SND1: variants seen among roughly 807,000 people sequenced by gnomAD.
The protein encoded by SND1 is staphylococcal nuclease and tudor domain containing 1, also known as staphylococcal nuclease domain-containing protein 1.
In SND1, 38 loss-of-function variants were observed where a neutral mutation model predicts 121.7. That is an observed-to-expected ratio of 0.31 (90% confidence interval 0.24 to 0.41). The LOEUF is 0.41. Ranked by LOEUF, SND1 falls within the 10% of genes least tolerant of loss-of-function variation. The probability of loss-of-function intolerance (pLI) is 1.00; values close to 1 mark genes in which losing one functional copy is unlikely to be tolerated. For missense variants in SND1, 868 were observed against 1,184.6 expected, an observed-to-expected ratio of 0.73 and a Z score of 3.92; for synonymous variants, 401 against 447.4, an observed-to-expected ratio of 0.90 and a Z score of 1.31.
At chr7:127,692,938 C>T (rs1407093467) in intron 2 of SND1, among the ~76,000 whole-genome samples, 4 of 152,192 alleles carry the variant, frequency 2.6e-5, no homozygotes, top group African/African-American at 9.7e-5. Context: ...GATTTCCCTG[C>T]AGGGGCTAGT....
chr7:127,667,725 A>G (rs187060422), intron 1 of SND1, among the ~76,000 whole-genome samples: 6 of 152,348 alleles, frequency 3.9e-5, no homozygotes, highest in Admixed American at 3.9e-4. Flanking sequence ...TTGGTAAACA[A>G]TATTACAGAT....
At chr7:127,664,073 TGGAG>T (rs1795367020) in intron 1 of SND1, among the ~76,000 whole-genome samples, 2 of 152,242 alleles carry the variant, frequency 1.3e-5, no homozygotes, top group Non-Finnish European at 2.9e-5. Flanking sequence ...TTGCTCAGGC[TGGAG>T]TGCAGTGGTG....
intron 16 of SND1, among the ~76,000 whole-genome samples, chr7:128,074,101 C>T (rs1793463023): frequency 6.6e-6 from 1 of 152,212 alleles, no homozygotes; most frequent in Non-Finnish European, 1.5e-5. Context: ...CTCCCTCTCC[C>T]CAGGGGTTGC....
chr7:127,793,063 G>A (rs1031508039), intron 10 of SND1, among the ~76,000 whole-genome samples: 5 of 152,190 alleles, frequency 3.3e-5, no homozygotes, highest in Non-Finnish European at 4.4e-5. Flanking sequence ...CTTCATAATG[G>A]GCATAACTAC....
chr7:127,968,436 A>G (rs1300806220), intron 15 of SND1, among the ~76,000 whole-genome samples: 5 of 152,212 alleles, frequency 3.3e-5, no homozygotes, highest in Non-Finnish European at 5.9e-5. Context: ...TAAAGTGGGG[A>G]TGAATTATAA....
At chr7:127,744,987 C>G (rs1796952307) in intron 10 of SND1, among the ~76,000 whole-genome samples, 1 of 152,212 alleles carries the variant, frequency 6.6e-6, no homozygotes. Context: ...CTGTTACATT[C>G]ATAAACTGAT....
intron 2 of SND1, among the ~76,000 whole-genome samples, chr7:127,688,149 A>G (rs1795849063): frequency 6.6e-6 from 1 of 152,112 alleles, no homozygotes; most frequent in Admixed American, 6.6e-5. Context: ...CCATTGTTTT[A>G]TGGTTATTTG....
chr7:127,677,370 G>T (rs1795634208), intron 1 of SND1, among the ~76,000 whole-genome samples: 2 of 152,194 alleles, frequency 1.3e-5, no homozygotes, highest in African/African-American at 2.4e-5. Flanking sequence ...TGCTGACATT[G>T]ATTTGATTCT....
intron 13 of SND1, among the ~76,000 whole-genome samples, chr7:127,902,261 CA>C (rs776221199): frequency 1.5e-4 from 23 of 152,286 alleles, no homozygotes; most frequent in Admixed American, 2.6e-4. Flanking sequence ...GTTTACAGAA[CA>C]GATCTATTTA....
intron 12 of SND1, among the ~76,000 whole-genome samples, chr7:127,849,235 T>C (rs1799122581): frequency 1.3e-5 from 2 of 152,208 alleles, no homozygotes; most frequent in Non-Finnish European, 1.5e-5. Flanking sequence ...TAGTCGTCTA[T>C]GTAATTAGCT....
intron 12 of SND1, among the ~76,000 whole-genome samples, chr7:127,856,602 C>T (rs1379094337): frequency 2.6e-5 from 4 of 152,194 alleles, no homozygotes; most frequent in African/African-American, 4.8e-5. Flanking sequence ...GGTGGACTGC[C>T]TTCTATCAGA....
chr7:127,777,263 T>C (rs374257562), intron 10 of SND1, among the ~76,000 whole-genome samples: 1 of 152,230 alleles, frequency 6.6e-6, no homozygotes, highest in Non-Finnish European at 1.5e-5. Flanking sequence ...CTTATGGCAG[T>C]AGGGACTGAA....
chr7:127,920,578 G>C (rs530950178), intron 14 of SND1, among the ~76,000 whole-genome samples: 1 of 152,230 alleles, frequency 6.6e-6, no homozygotes, highest in South Asian at 2.1e-4. Flanking sequence ...GATGAGGTAG[G>C]GAGGCAGATT....
intron 17 of SND1, among the ~76,000 whole-genome samples, chr7:128,080,053 T>C (rs1163378474): frequency 6.6e-6 from 1 of 152,226 alleles, no homozygotes; most frequent in African/African-American, 2.4e-5. Context: ...CAAGACCTAC[T>C]CAAAGGGTTG....
At chr7:127,941,321 A>G (rs1801195272) in intron 15 of SND1, among the ~76,000 whole-genome samples, 1 of 152,182 alleles carries the variant, frequency 6.6e-6, no homozygotes, top group Non-Finnish European at 1.5e-5. Context: ...TAGGCTTTGT[A>G]GAAAACTTTC....
chr7:127,655,116 T>C (rs1795188770), intron 1 of SND1, among the ~76,000 whole-genome samples: 1 of 152,226 alleles, frequency 6.6e-6, no homozygotes, highest in African/African-American at 2.4e-5. Flanking sequence ...CATTGTTAAC[T>C]CTTTGGATTT....
chr7:128,034,211 G>A (rs1279268557), intron 16 of SND1, among the ~76,000 whole-genome samples: 1 of 152,168 alleles, frequency 6.6e-6, no homozygotes, highest in African/African-American at 2.4e-5. Flanking sequence ...AGGAGAGAGA[G>A]ACTGTAGGAA....
chr7:127,986,275 C>A (rs948588320), intron 15 of SND1, among the ~76,000 whole-genome samples: 1 of 152,134 alleles, frequency 6.6e-6, no homozygotes, highest in Non-Finnish European at 1.5e-5. Flanking sequence ...CCTAGTTAGT[C>A]AATGTCTCTA....
chr7:127,812,382 G>A (rs983565137), intron 11 of SND1, among the ~76,000 whole-genome samples: 1 of 152,210 alleles, frequency 6.6e-6, no homozygotes, highest in African/African-American at 2.4e-5. Context: ...TCCCTGTGAA[G>A]TTGTGTTTCA....
Sources: allele counts gnomAD v4.1 joint callset (sites outside exome capture counted in the v4.1 genomes callset), GRCh38; gene constraint gnomAD v4.1.1; transcripts MANE v1.5; gene names NCBI Gene and HGNC (gene_info 2026-07-23, HGNC 2026-07-21).